The following IMMP2L variants were observed in gnomAD, a reference collection of about 807,000 sequenced individuals.
IMMP2L encodes the protein mitochondrial inner membrane protease subunit 2.
A neutral mutation model predicts 19.3 loss-of-function variants in IMMP2L; 18 were observed. That is an observed-to-expected ratio of 0.93 (90% CI 0.64 to 1.38). IMMP2L has a LOEUF of 1.38. Among genes scored for constraint, IMMP2L ranks in the 40% most tolerant of loss-of-function variants. IMMP2L has a pLI of 0.00. For missense variants in IMMP2L, 233 were observed against 218.2 expected, an observed-to-expected ratio of 1.07 and a Z score of -0.43; for synonymous variants, 76 against 73.0, an observed-to-expected ratio of 1.04 and a Z score of -0.21.
intron 5 of IMMP2L, among the ~76,000 whole-genome samples, chr7:110,786,278 G>A (rs999306929): frequency 2.6e-5 from 4 of 151,922 alleles, no homozygotes; most frequent in Admixed American, 1.3e-4. Context: ...TATCAGATGA[G>A]TTTTTCAGTT....
chr7:111,008,784 A>C (rs576752028), intron 3 of IMMP2L, among the ~76,000 whole-genome samples: 1 of 152,192 alleles, frequency 6.6e-6, no homozygotes, highest in African/African-American at 2.4e-5. Flanking sequence ...AGTGAGGGGG[A>C]AGTAATTGTG....
chr7:111,514,538 G>C (rs1845719720), intron 2 of IMMP2L, among the ~76,000 whole-genome samples: 1 of 152,002 alleles, frequency 6.6e-6, no homozygotes, highest in Non-Finnish European at 1.5e-5. Flanking sequence ...TATATATCAT[G>C]TATACTTTAA....
chr7:111,315,058 G>A (rs1006616458), intron 3 of IMMP2L, among the ~76,000 whole-genome samples: 5 of 152,008 alleles, frequency 3.3e-5, no homozygotes, highest in Non-Finnish European at 5.9e-5. Flanking sequence ...GAAAAATTCC[G>A]ATTTAATTCT....
chr7:111,314,092 C>T (rs980099941), intron 3 of IMMP2L, among the ~76,000 whole-genome samples: 6 of 152,126 alleles, frequency 3.9e-5, no homozygotes, highest in Non-Finnish European at 7.4e-5. Flanking sequence ...TGCTGCTATG[C>T]TTCCTGTACA....
intron 1 of IMMP2L, among the ~76,000 whole-genome samples, chr7:111,526,425 G>A (rs1846866790): frequency 1.3e-5 from 2 of 152,168 alleles, no homozygotes; most frequent in South Asian, 4.1e-4. Flanking sequence ...AATTCTATAT[G>A]CTAGGAATGG....
intron 5 of IMMP2L, among the ~76,000 whole-genome samples, chr7:110,867,508 C>T (rs555248805): frequency 3.3e-5 from 5 of 152,074 alleles, no homozygotes; most frequent in Non-Finnish European, 5.9e-5. Flanking sequence ...TAAAATTAAA[C>T]AACTAAATGT....
intron 3 of IMMP2L, among the ~76,000 whole-genome samples, chr7:111,117,437 A>T (rs2129586208): frequency 6.6e-6 from 1 of 152,228 alleles, no homozygotes; most frequent in Admixed American, 6.5e-5. Flanking sequence ...AATGCAAAAC[A>T]AATTTTCTTT....
chr7:110,928,265 T>A (rs1815075272), intron 4 of IMMP2L, among the ~76,000 whole-genome samples: 1 of 151,704 alleles, frequency 6.6e-6, no homozygotes, highest in African/African-American at 2.4e-5. Flanking sequence ...CTTCTGTTTT[T>A]CAATTTAAGA....
chr7:111,533,504 T>C (rs1284422606), intron 1 of IMMP2L, among the ~76,000 whole-genome samples: 1 of 152,150 alleles, frequency 6.6e-6, no homozygotes, highest in African/African-American at 2.4e-5. Flanking sequence ...GGGTGGTTAT[T>C]TGTTTTGCAG....
intron 3 of IMMP2L, among the ~76,000 whole-genome samples, chr7:110,992,359 G>C (rs1822570265): frequency 6.6e-6 from 1 of 151,750 alleles, no homozygotes; most frequent in South Asian, 2.1e-4. Context: ...TAAATAACTA[G>C]ATTTGCATAA....
intron 3 of IMMP2L, among the ~76,000 whole-genome samples, chr7:111,422,286 G>A (rs535694904): frequency 6.6e-6 from 1 of 151,892 alleles, no homozygotes; most frequent in African/African-American, 2.4e-5. Flanking sequence ...GATGGGGATG[G>A]CATTGAATCA....
chr7:111,480,597 C>CAAAA (rs925037556), intron 3 of IMMP2L, among the ~76,000 whole-genome samples: 4 of 55,044 alleles, frequency 7.3e-5, no homozygotes, highest in African/African-American at 9.9e-5. Flanking sequence ...ATTTTACTGT[C>CAAAA]AAAAAAAAAA....
intron 3 of IMMP2L, among the ~76,000 whole-genome samples, chr7:111,355,724 C>T (rs1045063339): frequency 6.6e-6 from 1 of 151,920 alleles, no homozygotes; most frequent in African/African-American, 2.4e-5. Context: ...ATTTTCTACT[C>T]TCTGAGCAAT....
rs566162622 is a variant in IMMP2L, at chr7:111,252,248, T to C, written c.239+234990A>G. 3.9e-5 allele frequency among the ~76,000 whole-genome samples: 6 copies of C among 152,172 alleles called. No homozygotes were observed. The East Asian group carries it at 1.2e-3, about 29-fold the overall frequency. On this transcript the variant is annotated intron_variant, in intron 3 of 5. Coordinates refer to ENST00000405709, the MANE Select transcript of IMMP2L (RefSeq NM_032549.4). Reference sequence around the variant, plus strand: ...TGATGGTATGTATGAAATGTAGGCATCATCAACCAACAAGCGGAAACAAAC... The same window carrying C: ...TGATGGTATGTATGAAATGTAGGCACCATCAACCAACAAGCGGAAACAAAC...
chr7:111,451,928 T>A (rs1259133209), intron 3 of IMMP2L, among the ~76,000 whole-genome samples: 1 of 151,984 alleles, frequency 6.6e-6, no homozygotes, highest in East Asian at 1.9e-4. Flanking sequence ...GATACACAGG[T>A]CATAGGGAAT....
At chr7:111,336,198 C>T (rs773158146) in intron 3 of IMMP2L, among the ~76,000 whole-genome samples, 1 of 145,770 alleles carries the variant, frequency 6.9e-6, no homozygotes, top group East Asian at 2.2e-4. Flanking sequence ...AGGTGTGTGC[C>T]GCCAGGCCGG....
chr7:110,864,227 A>C (rs1807753692), intron 5 of IMMP2L, among the ~76,000 whole-genome samples: 1 of 152,104 alleles, frequency 6.6e-6, no homozygotes, highest in Non-Finnish European at 1.5e-5. Flanking sequence ...CAAGAGTAGA[A>C]ATGCATTTGA....
intron 3 of IMMP2L, among the ~76,000 whole-genome samples, chr7:111,111,437 T>C (rs1278027829): frequency 6.6e-6 from 1 of 150,706 alleles, no homozygotes; most frequent in Non-Finnish European, 1.5e-5. Flanking sequence ...TTAGTATTTT[T>C]ACTTCCCCCG....
At chr7:111,306,381 G>C (rs1822869987) in intron 3 of IMMP2L, among the ~76,000 whole-genome samples, 1 of 151,986 alleles carries the variant, frequency 6.6e-6, no homozygotes, top group South Asian at 2.1e-4. Flanking sequence ...CTGATAAATG[G>C]GGAAGTCTAT....
Sources: allele counts gnomAD v4.1 joint callset (sites outside exome capture counted in the v4.1 genomes callset), GRCh38; gene constraint gnomAD v4.1.1; transcripts MANE v1.5; gene names NCBI Gene and HGNC (gene_info 2026-07-23, HGNC 2026-07-21).